Variants in PIK3C2G observed in about 807,000 individuals in gnomAD.
PIK3C2G encodes the protein phosphatidylinositol-4-phosphate 3-kinase catalytic subunit type 2 gamma.
PIK3C2G carries 168 observed loss-of-function variants against 181.1 expected under a neutral mutation model. That is an observed-to-expected ratio of 0.93 (90% CI 0.82 to 1.05). The LOEUF is 1.05. Ranked by LOEUF, PIK3C2G falls within the 50% of genes least tolerant of loss-of-function variation. The pLI, the probability that PIK3C2G is intolerant of heterozygous loss-of-function variation, is 0.00. For missense variants in PIK3C2G, 1,869 were observed against 1,732.8 expected (o/e 1.08, Z -1.40); for synonymous variants, 573 against 592.2 (o/e 0.97, Z 0.47).
At chr12:18,574,055 A>G (rs1946112671) in intron 29 of PIK3C2G, among the ~76,000 whole-genome samples, 1 of 152,148 alleles carries the variant, frequency 6.6e-6, no homozygotes, top group Non-Finnish European at 1.5e-5. Context: ...TGCTAAAAGG[A>G]GCTCTAATTT....
chr12:18,687,914 C>T, the PIK3C2G span, among the ~76,000 whole-genome samples: 1 of 151,852 alleles, frequency 6.6e-6, no homozygotes, highest in Non-Finnish European at 1.5e-5. Flanking sequence ...AGCTAAACAA[C>T]CTAATCATTA....
At chr12:18,467,853 C>G (rs766723506) in intron 18 of PIK3C2G, among the ~76,000 whole-genome samples, 7 of 151,980 alleles carry the variant, frequency 4.6e-5, no homozygotes, top group Non-Finnish European at 1.0e-4. Flanking sequence ...CCCAAAGTAG[C>G]ACATGCCCAA....
intron 24 of PIK3C2G, among the ~76,000 whole-genome samples, chr12:18,517,247 C>G (rs1942611912): frequency 6.6e-6 from 1 of 152,054 alleles, no homozygotes; most frequent in Non-Finnish European, 1.5e-5. Flanking sequence ...TAAAATACTG[C>G]ACAAGACCTA....
chr12:18,721,708 T>C, the PIK3C2G span, among the ~76,000 whole-genome samples: 1 of 142,578 alleles, frequency 7.0e-6, no homozygotes, highest in Non-Finnish European at 1.5e-5. Flanking sequence ...AGAGAAAGTC[T>C]TGCTATTAAA....
chr12:18,292,614 T>C (rs1043331414), intron 4 of PIK3C2G, among the ~76,000 whole-genome samples: 1 of 152,082 alleles, frequency 6.6e-6, no homozygotes, highest in African/African-American at 2.4e-5. Flanking sequence ...CACTATTAAA[T>C]AGCATGTTCA....
chr12:18,454,890 A>G (rs930514271), intron 18 of PIK3C2G, among the ~76,000 whole-genome samples: 4 of 152,184 alleles, frequency 2.6e-5, no homozygotes, highest in Non-Finnish European at 2.9e-5. Context: ...TAAGAAACAC[A>G]TATTTGTTAT....
intron 1 of PIK3C2G, among the ~76,000 whole-genome samples, chr12:18,248,368 C>G (rs1445530959): frequency 6.6e-6 from 1 of 151,974 alleles, no homozygotes; most frequent in Non-Finnish European, 1.5e-5. Context: ...GTCAGGAGAT[C>G]GAGACCATCC....
chr12:18,685,601 C>T, the PIK3C2G span: 1 of 514,192 alleles, frequency 1.9e-6, no homozygotes, highest in South Asian at 1.4e-5. Flanking sequence ...GCAGTCTATG[C>T]CCACAGAAAT....
intron 28 of PIK3C2G, among the ~76,000 whole-genome samples, chr12:18,564,970 C>T (rs1945550561): frequency 6.6e-6 from 1 of 152,126 alleles, no homozygotes; most frequent in Non-Finnish European, 1.5e-5. Context: ...GGCCTCTTTT[C>T]AGTTTTCAGC....
intron 18 of PIK3C2G, among the ~76,000 whole-genome samples, chr12:18,465,301 T>C (rs1235309906): frequency 6.6e-6 from 1 of 151,920 alleles, no homozygotes; most frequent in Non-Finnish European, 1.5e-5. Flanking sequence ...CTACTTTATA[T>C]GTTATTGGTG....
chr12:18,664,901 AC>A, the PIK3C2G span, among the ~76,000 whole-genome samples: 9 of 150,996 alleles, frequency 6.0e-5, no homozygotes, highest in African/African-American at 2.2e-4. Flanking sequence ...GTAAACTATC[AC>A]AAGGACAAAA....
At chr12:18,551,277 A>G (rs1459068792) in intron 26 of PIK3C2G, among the ~76,000 whole-genome samples, 1 of 152,070 alleles carries the variant, frequency 6.6e-6, no homozygotes, top group African/African-American at 2.4e-5. Flanking sequence ...TGCAGAGACC[A>G]CTGCTAGGCA....
intron 29 of PIK3C2G, among the ~76,000 whole-genome samples, chr12:18,572,836 TATTA>T (rs71934827): frequency 0.052 from 7,837 of 152,174 alleles, 671 homozygotes; most frequent in African/African-American, 0.18. Flanking sequence ...ACTTCTGGGT[TATTA>T]ATTCTCTTTT....
intron 1 of PIK3C2G, among the ~76,000 whole-genome samples, chr12:18,277,887 C>T (rs1207836723): frequency 6.6e-6 from 1 of 152,044 alleles, no homozygotes; most frequent in East Asian, 1.9e-4. Context: ...AAACTGACCT[C>T]TTGCAAGTTT....
chr12:18,422,081 A>T (rs1945518452), intron 17 of PIK3C2G, among the ~76,000 whole-genome samples: 3 of 152,124 alleles, frequency 2.0e-5, no homozygotes, highest in Admixed American at 2.0e-4. Context: ...ACGTTTTCAC[A>T]AAAGTCTGTA....
At chr12:18,709,531 C>CCT in the PIK3C2G span, among the ~76,000 whole-genome samples, 5 of 150,474 alleles carry the variant, frequency 3.3e-5, no homozygotes, top group South Asian at 1.1e-3. Flanking sequence ...AATTTTAGGA[C>CCT]TTTTTTTTTA....
At chr12:18,680,935 C>T in the PIK3C2G span, among the ~76,000 whole-genome samples, 3 of 152,028 alleles carry the variant, frequency 2.0e-5, no homozygotes, top group Admixed American at 1.3e-4. Flanking sequence ...AAGGCTAAAG[C>T]GATACTTGGT....
intron 1 of PIK3C2G, among the ~76,000 whole-genome samples, chr12:18,249,127 AT>A (rs1948071292): frequency 6.6e-6 from 1 of 152,152 alleles, no homozygotes; most frequent in Admixed American, 6.5e-5. Flanking sequence ...CTGTGCTAGA[AT>A]ATCTGTTATA....
the PIK3C2G span, among the ~76,000 whole-genome samples, chr12:18,706,165 G>A: frequency 2.6e-5 from 4 of 151,814 alleles, no homozygotes; most frequent in Non-Finnish European, 5.9e-5. Flanking sequence ...CCGGGAGGTG[G>A]AGGTTGCAGT....
Sources: gnomAD v4.1 joint callset for allele counts (sites outside exome capture counted in the v4.1 genomes callset) on GRCh38, gnomAD v4.1.1 for gene constraint, MANE v1.5 for transcripts, NCBI Gene and HGNC (gene_info 2026-07-23, HGNC 2026-07-21) for gene names.